Variants in ARHGEF26 observed in about 807,000 individuals in gnomAD.
The protein encoded by ARHGEF26 is Rho guanine nucleotide exchange factor 26, also known as Rho guanine nucleotide exchange factor (GEF) 26.
Under a neutral mutation model 89.4 loss-of-function variants are expected in ARHGEF26, and 59 were observed. The ratio of observed to expected loss-of-function variants is 0.66; its 90% CI spans 0.54 to 0.82. ARHGEF26 has a LOEUF of 0.82. Ranked by LOEUF, ARHGEF26 falls within the 40% of genes least tolerant of loss-of-function variation. ARHGEF26 has a pLI of 0.00. For missense variants in ARHGEF26, 1,234 were observed against 1,085.6 expected (o/e 1.14, Z -1.92); for synonymous variants, 500 against 428.4 (o/e 1.17, Z -2.06).
Position 154,255,804 on chromosome 3 carries a change from T to C in ARHGEF26, c.*331T>C. 9.2e-7 allele frequency: 1 copy of C among 1,082,970 alleles called. No individual in the cohort carries two copies. The highest frequency in any genetic ancestry group is 1.1e-6 in the Non-Finnish European group (1 of 893,062). 67.1% of individuals were successfully genotyped at this position (1,082,970 alleles called of 1,614,324 possible). A position where few individuals can be genotyped will look rare whatever the true frequency, so the allele number is the denominator to read the frequency against. ...TAAAAAACACATATTATATCCTGGTTTTCTCTATCCTTGCATTACTAAGGT... is the reference window on the plus strand; with the variant it reads ...TAAAAAACACATATTATATCCTGGTCTTCTCTATCCTTGCATTACTAAGGT... On this transcript the variant is annotated 3_prime_UTR_variant, in exon 15 of 15. Transcript: ENST00000465093.
rs900984308 is a variant in ARHGEF26, at chr3:154,213,303, G to A, written c.1846-4566G>A. On this transcript the variant is annotated intron_variant, in intron 9 of 14. Coordinates refer to ENST00000465093, the MANE Select transcript of ARHGEF26 (RefSeq NM_015595.4). The stretch of plus-strand genomic sequence containing the variant: ...TATATTTATTAGGCCTGGGACAAAA[G>A]CTTTAGTGAACCAAATTTAATAAAG... Among the ~76,000 whole-genome samples the A allele has an allele frequency of 2.0e-5, 3 of 151,264 alleles. No individual in the cohort carries two copies. In the South Asian group the frequency reaches 6.3e-4, roughly 32 times the overall value.
At chr3:154,173,691 A>G (rs1025550362) in intron 6 of ARHGEF26, among the ~76,000 whole-genome samples, 1 of 152,152 alleles carries the variant, frequency 6.6e-6, no homozygotes, top group Non-Finnish European at 1.5e-5. Context: ...GTATAAAACT[A>G]TTTTTGCAAT....
intron 12 of ARHGEF26, among the ~76,000 whole-genome samples, chr3:154,241,180 C>T (rs1717463795): frequency 6.6e-6 from 1 of 152,216 alleles, no homozygotes; most frequent in Non-Finnish European, 1.5e-5. Context: ...TGAGGGTTAA[C>T]TTTCAAGTCC....
In ARHGEF26 at chr3:154,256,130, C is replaced by T. The variant is rs1718488926; in HGVS notation, c.*657C>T. On this transcript the variant is annotated 3_prime_UTR_variant, in exon 15 of 15. Transcript: ENST00000465093. ...TTTTAAAAAAAAATCCATCTCACCC[C>T]ATATTGTTCTTAAATAAGTATAGAC... is the stretch of plus-strand genomic sequence containing the variant. 2.0e-6 allele frequency: 2 copies of T among 985,160 alleles called. No individual in the cohort carries two copies. The highest frequency in any genetic ancestry group is 6.1e-5 in the Admixed American group (1 of 16,274). The allele number at this position is 985,160 out of a possible 1,614,324, so 61.0% of individuals were successfully genotyped here.
At chr3:154,224,634 G>T (rs1285983603) in intron 10 of ARHGEF26, among the ~76,000 whole-genome samples, 1 of 152,172 alleles carries the variant, frequency 6.6e-6, no homozygotes, top group Non-Finnish European at 1.5e-5. Context: ...AGTTATCTAA[G>T]CAATCTGTCG....
chr3:154,206,012 G>A (rs1714996868), intron 9 of ARHGEF26, among the ~76,000 whole-genome samples: 1 of 151,946 alleles, frequency 6.6e-6, no homozygotes. Context: ...ACTTATTATT[G>A]ATTAATATCA....
chr3:154,180,811 G>C (rs1713135359), intron 6 of ARHGEF26, among the ~76,000 whole-genome samples: 1 of 151,866 alleles, frequency 6.6e-6, no homozygotes. Flanking sequence ...AGTCTCTTGA[G>C]ACCTTTACCA....
rs374549416 is a variant in ARHGEF26 at position 154,122,007 on chromosome 3, C to T, written c.15C>T (p.Ser5=). 17 of 1,592,880 alleles carry T rather than the reference C, an allele frequency of 1.1e-5. No individual in the cohort carries two copies. Among genetic ancestry groups the T allele is most frequent in the Non-Finnish European group, 1.3e-5 (15 of 1,163,514 alleles). Residue 5 remains serine (S), a synonymous_variant, in exon 2 of 15, where the codon AGC becomes AGT. Coordinates refer to ENST00000465093, the MANE Select transcript of ARHGEF26 (RefSeq NM_015595.4). MDGE[S]EVDFSSNSIT... The stretch of plus-strand genomic sequence containing the variant: ...GAGGCCCGGCTATGGACGGCGAGAG[C>T]GAGGTGGATTTTTCTAGCAACAGCA...
At chr3:154,142,829 A>C (rs569289127) in intron 4 of ARHGEF26, among the ~76,000 whole-genome samples, 5 of 152,002 alleles carry the variant, frequency 3.3e-5, no homozygotes, top group African/African-American at 9.7e-5. Flanking sequence ...ATCCTCCTTT[A>C]TCTCTCATGC....
At chr3:154,244,213 A>G (rs944301621) in intron 12 of ARHGEF26, among the ~76,000 whole-genome samples, 2 of 152,174 alleles carry the variant, frequency 1.3e-5, no homozygotes, top group African/African-American at 2.4e-5. Context: ...ACTTTCTTTG[A>G]AAAACTGTTG....
At chr3:154,186,134 T>TAC (rs1446154271) in intron 6 of ARHGEF26, among the ~76,000 whole-genome samples, 3 of 26,918 alleles carry the variant, frequency 1.1e-4, no homozygotes, top group African/African-American at 3.1e-4. Flanking sequence ...TACACACACT[T>TAC]AGACACACAC....
chr3:154,167,254 C>T (rs1015924759), intron 6 of ARHGEF26, among the ~76,000 whole-genome samples: 2 of 152,144 alleles, frequency 1.3e-5, no homozygotes, highest in African/African-American at 4.8e-5. Context: ...CTGTGCTAGG[C>T]ATTGGAAATG....
chr3:154,124,640 T>C (rs190612366), intron 3 of ARHGEF26, among the ~76,000 whole-genome samples, 191 bp downstream of exon 3: 37 of 152,294 alleles, frequency 2.4e-4, no homozygotes, highest in Admixed American at 7.2e-4. Context: ...ATATAGTTAA[T>C]GGCATTTTTT....
intron 2 of ARHGEF26, 91 bp downstream of exon 2, chr3:154,123,166 G>T (rs1407732616): frequency 2.0e-6 from 3 of 1,520,944 alleles, no homozygotes; most frequent in Non-Finnish European, 2.7e-6. Flanking sequence ...GAAACCCGAA[G>T]AAGTCATTCC....
intron 2 of ARHGEF26, among the ~76,000 whole-genome samples, chr3:154,124,179 A>T (rs1380680239): frequency 6.6e-6 from 1 of 152,152 alleles, no homozygotes; most frequent in Admixed American, 6.5e-5. Flanking sequence ...ATCTGTTTTG[A>T]CAGGGTGTGG....
At chr3:154,169,941 A>G (rs1712311916) in intron 6 of ARHGEF26, among the ~76,000 whole-genome samples, 1 of 152,222 alleles carries the variant, frequency 6.6e-6, no homozygotes, top group South Asian at 2.1e-4. Flanking sequence ...ACTTCTGGGA[A>G]TAATGAGAAC....
chr3:154,200,774 A>G (rs1029181175), intron 9 of ARHGEF26, among the ~76,000 whole-genome samples: 1 of 151,388 alleles, frequency 6.6e-6, no homozygotes, highest in African/African-American at 2.4e-5. Flanking sequence ...TTCTTTTATC[A>G]GTGTTTCATA....
intron 4 of ARHGEF26, among the ~76,000 whole-genome samples, chr3:154,136,237 TATTTTA>T (rs1718993888): frequency 6.6e-6 from 1 of 151,208 alleles, no homozygotes; most frequent in Non-Finnish European, 1.5e-5. Flanking sequence ...TTAATTAAAA[TATTTTA>T]ACTAAAGTAT....
chr3:154,147,854 A>G (rs1719790764), intron 4 of ARHGEF26, among the ~76,000 whole-genome samples: 1 of 150,720 alleles, frequency 6.6e-6, no homozygotes, highest in Non-Finnish European at 1.5e-5. Context: ...GATGTTATTC[A>G]CCTACATTCT....
Sources: allele counts gnomAD v4.1 joint callset (sites outside exome capture counted in the v4.1 genomes callset), GRCh38; gene constraint gnomAD v4.1.1; transcripts MANE v1.5; gene names NCBI Gene and HGNC (gene_info 2026-07-23, HGNC 2026-07-21).